The following WDR7 variants were observed in gnomAD, a reference collection of about 807,000 sequenced individuals.
WDR7 encodes the protein WD repeat domain 7.
In WDR7, 46 loss-of-function variants were observed where a neutral mutation model predicts 169.4. The ratio of observed to expected loss-of-function variants is 0.27; its 90% confidence interval spans 0.21 to 0.35. The LOEUF is 0.35. WDR7 is among the 10% of genes least tolerant of loss of function. The pLI is 1.00. For synonymous variants in WDR7, 612 were observed against 666.8 expected, an observed-to-expected ratio of 0.92 and a Z score of 1.27; for missense variants, 1,534 against 1,859.3, an observed-to-expected ratio of 0.83 and a Z score of 3.22.
At position 56,816,078 on chromosome 18, in the gene WDR7, G is replaced by T; in HGVS notation, c.3238G>T (p.Ala1080Ser). The stretch of plus-strand genomic sequence containing the variant: ...GCAGACTATCACCACGGCTCCTGAT[G>T]CCTCAGGGCCTGAAGCAAAAGTCCA... ...AAQTITTAPD[A>S]SGPEAKVQEE... Residue 1080 changes from alanine to serine, a missense_variant, in exon 20 of 28, where the codon GCC (alanine) becomes TCC (serine). Physicochemically the swap from Ala to Ser is moderately conservative, Grantham distance 99. Transcript: ENST00000254442. 1 of 1,613,750 alleles carries T rather than the reference G, an allele frequency of 6.2e-7. No individual in the cohort carries two copies. Among genetic ancestry groups the T allele is most frequent in the Non-Finnish European group, 8.5e-7 (1 of 1,179,898 alleles).
At chr18:56,800,368 C>G (rs946091942) in intron 19 of WDR7, among the ~76,000 whole-genome samples, 1 of 152,042 alleles carries the variant, frequency 6.6e-6, no homozygotes, top group Non-Finnish European at 1.5e-5. Flanking sequence ...CAGTTTGATC[C>G]CACTTTGTCA....
Position 56,938,646 on chromosome 18 carries a change from A to C in WDR7, c.3945A>C (p.Glu1315Asp). Residue 1315 changes from glutamate (E) to aspartate (D), a missense_variant, in exon 24 of 28, where the codon GAA becomes GAC. Glu to Asp is a conservative substitution (Grantham distance 45). Transcript: ENST00000254442. ...EILRVIEILI[E>D]KMPTDVVDLL... ...TGAGAGTCATTGAAATTCTTATTGA[A>C]AAGATGCCCACAGATGTTGTGGATC... 6.2e-7 allele frequency: 1 copy of C among 1,613,746 alleles called. No individual in the cohort carries two copies. The highest frequency in any genetic ancestry group is 8.5e-7 in the Non-Finnish European group (1 of 1,179,864).
intron 12 of WDR7, among the ~76,000 whole-genome samples, chr18:56,715,608 C>T (rs1480526761): frequency 2.6e-5 from 4 of 151,856 alleles, no homozygotes; most frequent in Non-Finnish European, 4.4e-5. Flanking sequence ...CTGAGGCAGG[C>T]GGATTGCTTG....
chr18:56,927,698 TATCTAC>T (rs2046826430), intron 22 of WDR7, among the ~76,000 whole-genome samples: 1 of 152,216 alleles, frequency 6.6e-6, no homozygotes, highest in Non-Finnish European at 1.5e-5. Flanking sequence ...GAAATCAAAA[TATCTAC>T]AGTTGTTTTC....
chr18:56,662,690 G>T (rs1003568365), intron 1 of WDR7, among the ~76,000 whole-genome samples: 7 of 152,244 alleles, frequency 4.6e-5, no homozygotes, highest in South Asian at 2.1e-4. Context: ...GGAGGAACAG[G>T]TGTAGTAAAA....
chr18:56,938,169 G>A (rs1026933098), intron 23 of WDR7, among the ~76,000 whole-genome samples: 3 of 152,106 alleles, frequency 2.0e-5, no homozygotes, highest in Admixed American at 6.5e-5. Flanking sequence ...TGGGTCAGCT[G>A]CACTATCATT....
chr18:56,974,437 A>C (rs1464320685), intron 26 of WDR7, among the ~76,000 whole-genome samples: 1 of 142,586 alleles, frequency 7.0e-6, no homozygotes, highest in Non-Finnish European at 1.5e-5. Context: ...GTTCACAGGC[A>C]TGATCATAGT....
At chr18:56,662,849 G>C (rs2024934688) in intron 1 of WDR7, among the ~76,000 whole-genome samples, 1 of 152,036 alleles carries the variant, frequency 6.6e-6, no homozygotes, top group Non-Finnish European at 1.5e-5. Context: ...CTTAAAATTA[G>C]TATTAAAAAA....
chr18:57,031,087 T>C (rs2048439318), downstream of WDR7: 2 of 150,502 alleles, frequency 1.3e-5, no homozygotes, highest in South Asian at 4.2e-4. Context: ...GATTGTTTTG[T>C]TTTGTTTTGT....
chr18:56,681,108 C>CT (rs1405597601), intron 3 of WDR7, among the ~76,000 whole-genome samples: 2 of 151,900 alleles, frequency 1.3e-5, no homozygotes, highest in Non-Finnish European at 2.9e-5. Flanking sequence ...AGAATGTGGA[C>CT]TATGGTGGGG....
At chr18:56,864,359 T>C (rs2045852040) in intron 20 of WDR7, among the ~76,000 whole-genome samples, 3 of 151,652 alleles carry the variant, frequency 2.0e-5, no homozygotes, top group Non-Finnish European at 3.0e-5. Context: ...CTGTATTAAA[T>C]TGAAAGTGAT....
intron 14 of WDR7, among the ~76,000 whole-genome samples, chr18:56,748,331 C>T (rs1310841886): frequency 6.6e-6 from 1 of 151,888 alleles, no homozygotes; most frequent in African/African-American, 2.4e-5. Flanking sequence ...GTAACTTGGC[C>T]CTTTGGGAAG....
intron 14 of WDR7, among the ~76,000 whole-genome samples, chr18:56,752,100 G>A (rs1294526522): frequency 6.6e-6 from 1 of 152,112 alleles, no homozygotes; most frequent in Non-Finnish European, 1.5e-5. Flanking sequence ...GTAGTCTGGG[G>A]TGCTCATTAG....
chr18:56,758,549 G>A (rs767087096), intron 15 of WDR7, among the ~76,000 whole-genome samples: 2 of 152,208 alleles, frequency 1.3e-5, no homozygotes, highest in Non-Finnish European at 2.9e-5. Flanking sequence ...GATTAATGCT[G>A]TGGAGTAGAC....
Position 56,672,605 on chromosome 18 carries a change from T to TG in WDR7, c.94dup (p.Ala32GlyfsTer24), listed in dbSNP as rs1209291895. ...TCTCAGCCGTACTTTTAACAGATGA[T>TG]GGGGCCACGATCGTAACAGGATGTC... On this transcript the variant is annotated frameshift_variant, in exon 2 of 28. Coordinates refer to ENST00000254442, the MANE Select transcript of WDR7 (RefSeq NM_015285.3). LOFTEE classifies it high-confidence loss of function. 6.2e-7 allele frequency: 1 copy of TG among 1,613,566 alleles called. No individual in the cohort carries two copies.
chr18:57,000,632 A>T (rs1000011211), intron 26 of WDR7, among the ~76,000 whole-genome samples: 7 of 152,198 alleles, frequency 4.6e-5, no homozygotes, highest in Admixed American at 3.3e-4. Flanking sequence ...GCCTTCAGAG[A>T]AGAGGAAAGC....
downstream of WDR7, chr18:57,030,902 CAG>C (rs1230834254): frequency 1.4e-5 from 2 of 147,930 alleles, no homozygotes; most frequent in South Asian, 4.3e-4. Context: ...AAAAGGACTA[CAG>C]AGAGTTTTGT....
In WDR7 at chr18:56,691,287, G is replaced by A. The variant is rs369074219; in HGVS notation, c.789G>A (p.Gly263=). 16 of 1,607,358 alleles carry A rather than the reference G, an allele frequency of 1.0e-5. No homozygotes were observed. In the African/African-American group the frequency reaches 1.6e-4, roughly 16 times the overall value. The change falls in exon 8 of 28, where the codon GGG becomes GGA. Residue 263 remains glycine, a synonymous_variant. Transcript: ENST00000254442. ...PSENGQTWTG[G]DFVSSDKVII... ...AAAATGGACAGACATGGACCGGGGG[G>A]GACTTTGTCTCATCAGATAAAGTCA...
At position 57,027,517 on chromosome 18, in the gene WDR7, A is replaced by G; in HGVS notation, c.*310A>G. On this transcript the variant is annotated 3_prime_UTR_variant, in exon 28 of 28. Transcript: ENST00000254442. ...GAACGCTCTTGTTGCTTGGTGCAAC[A>G]GAAGCACAAAAATCAATAAACACTG... The G allele has an allele frequency of 4.9e-6, 2 of 411,528 alleles. No individual in the cohort carries two copies. Among genetic ancestry groups the G allele is most frequent in the Non-Finnish European group, 8.9e-6 (2 of 225,538 alleles). The allele number at this position is 411,528 out of a possible 1,614,324, so 25.5% of individuals were successfully genotyped here.
Sources: allele counts gnomAD v4.1 joint callset (sites outside exome capture counted in the v4.1 genomes callset), GRCh38; gene constraint gnomAD v4.1.1; transcripts MANE v1.5; gene names NCBI Gene and HGNC (gene_info 2026-07-23, HGNC 2026-07-21).